KLF13: variants seen among roughly 807,000 people sequenced by gnomAD.
KLF13 encodes KLF transcription factor 13.
Under a neutral mutation model 16.7 loss-of-function variants are expected in KLF13, and 8 were observed. The ratio of observed to expected loss-of-function variants is 0.48; its 90% CI spans 0.28 to 0.87. The LOEUF is 0.87. Ranked by LOEUF, KLF13 falls within the 40% of genes least tolerant of loss-of-function variation. KLF13 has a pLI of 0.10. For synonymous variants in KLF13, 245 were observed against 208.4 expected, an observed-to-expected ratio of 1.18 and a Z score of -1.51; for missense variants, 447 against 452.2, an observed-to-expected ratio of 0.99 and a Z score of 0.10.
intron 1 of KLF13, among the ~76,000 whole-genome samples, chr15:31,366,805 G>A (rs1384123565): frequency 6.6e-6 from 1 of 152,180 alleles, no homozygotes; most frequent in African/African-American, 2.4e-5. Context: ...CATAACAGCA[G>A]TTTTTAGAGT....
chr15:31,356,466 C>T (rs145968513), intron 1 of KLF13, among the ~76,000 whole-genome samples: 75 of 152,322 alleles, frequency 4.9e-4, no homozygotes, highest in African/African-American at 1.8e-3. Context: ...GCAGGAGACT[C>T]GCTTGAACCC....
chr15:31,427,024 G>A (rs886905394), intron 1 of KLF13, among the ~76,000 whole-genome samples: 2 of 152,146 alleles, frequency 1.3e-5, no homozygotes, highest in African/African-American at 2.4e-5. Flanking sequence ...CTTCAGCCTC[G>A]AACTGAGATT....
intron 1 of KLF13, among the ~76,000 whole-genome samples, chr15:31,418,082 G>C (rs891635638): frequency 6.6e-6 from 1 of 152,036 alleles, no homozygotes; most frequent in Non-Finnish European, 1.5e-5. Flanking sequence ...AGACAAAATA[G>C]AGCCTATGAC....
At chr15:31,434,393 T>C (rs528409367) in intron 1 of KLF13, among the ~76,000 whole-genome samples, 83 of 152,166 alleles carry the variant, frequency 5.5e-4, no homozygotes, top group African/African-American at 1.9e-3. Context: ...GCAGGCCTTT[T>C]ATAGAGGACT....
intron 1 of KLF13, among the ~76,000 whole-genome samples, chr15:31,410,020 C>A (rs1028858404): frequency 6.6e-6 from 1 of 151,998 alleles, no homozygotes; most frequent in African/African-American, 2.4e-5. Context: ...CTCTAAAAGA[C>A]AACGGTCTCA....
chr15:31,359,103 C>G (rs1435663899), intron 1 of KLF13, among the ~76,000 whole-genome samples: 1 of 152,182 alleles, frequency 6.6e-6, no homozygotes, highest in East Asian at 1.9e-4. Flanking sequence ...TGGAGAAGGC[C>G]TTCACTTGCA....
At position 31,382,947 on chromosome 15, in the gene KLF13, A is replaced by G. The variant is rs141346529; in HGVS notation, n.224-52423A>G. Among the ~76,000 whole-genome samples, 377 of 152,338 alleles carry G rather than the reference A, an allele frequency of 2.5e-3. 6 individuals are homozygous for G. The highest frequency in any genetic ancestry group is 9.3e-3 in the South Asian group (45 of 4,830). On this transcript the variant is annotated intron_variant and non_coding_transcript_variant, in intron 1 of 1. Transcript: ENST00000558921. ...TGTCCTGACCCCAGCTCCAGGGCTC[A>G]TTCTTGACCCCTGCCCCATCATAAT...
chr15:31,353,774 G>A (rs1457066514), intron 1 of KLF13, among the ~76,000 whole-genome samples: 1 of 152,200 alleles, frequency 6.6e-6, no homozygotes, highest in Non-Finnish European at 1.5e-5. Context: ...CTGTGGCCAA[G>A]CCTGGGGCAG....
At chr15:31,353,362 G>A (rs2039247102) in intron 1 of KLF13, among the ~76,000 whole-genome samples, 1 of 152,172 alleles carries the variant, frequency 6.6e-6, no homozygotes, top group African/African-American at 2.4e-5. Context: ...TGCTCTGGGT[G>A]TTGCCTCCTG....
intron 1 of KLF13, among the ~76,000 whole-genome samples, chr15:31,336,424 G>C (rs1264754728): frequency 6.6e-6 from 1 of 152,140 alleles, no homozygotes; most frequent in African/African-American, 2.4e-5. Context: ...AGATCTAACA[G>C]GTATGCATGG....
intron 1 of KLF13, among the ~76,000 whole-genome samples, chr15:31,386,007 T>C (rs1404016228): frequency 1.3e-5 from 2 of 152,228 alleles, no homozygotes; most frequent in Non-Finnish European, 2.9e-5. Context: ...GAAAGTGAAA[T>C]GGGCTTATTG....
At chr15:31,434,779 C>T (rs1406071899) in intron 1 of KLF13, among the ~76,000 whole-genome samples, 2 of 152,224 alleles carry the variant, frequency 1.3e-5, no homozygotes, top group East Asian at 1.9e-4. Flanking sequence ...GCCTCCCTGC[C>T]CCAGCCACAG....
upstream of KLF13, among the ~76,000 whole-genome samples, chr15:31,390,984 A>G (rs2039856665): frequency 6.9e-6 from 1 of 144,610 alleles, no homozygotes; most frequent in African/African-American, 2.6e-5. Flanking sequence ...TGGCCATGGC[A>G]TTTTGTCCTG....
chr15:31,427,661 T>C (rs917832128), intron 1 of KLF13, among the ~76,000 whole-genome samples: 2 of 152,068 alleles, frequency 1.3e-5, no homozygotes, highest in Non-Finnish European at 2.9e-5. Flanking sequence ...ATACCCAAGA[T>C]TGGGTAATTT....
chr15:31,335,947 C>T (rs2038923282), intron 1 of KLF13, among the ~76,000 whole-genome samples: 1 of 152,236 alleles, frequency 6.6e-6, no homozygotes, highest in African/African-American at 2.4e-5. Flanking sequence ...CCTACCTTGG[C>T]CTCCTGTCTC....
chr15:31,340,719 C>T (rs548929649), intron 1 of KLF13, among the ~76,000 whole-genome samples: 50 of 152,104 alleles, frequency 3.3e-4, no homozygotes, highest in Non-Finnish European at 6.3e-4. Context: ...CATAGTGAGA[C>T]TCCACTGGGC....
Position 31,329,268 on chromosome 15 carries a change from T to C in KLF13, c.577+1479T>C, listed in dbSNP as rs1375735452. Among the ~76,000 whole-genome samples, 10 of 103,368 alleles carry C rather than the reference T, an allele frequency of 9.7e-5. No homozygotes were observed. In the Admixed American group the frequency reaches 1.2e-3, roughly 12 times the overall value. 67.8% of individuals were successfully genotyped at this position (103,368 alleles called of 152,430 possible). ...TCGGGACGCGGCTGCAGGGTGGGTG[T>C]GGCCCTGGGGGAGGGGCCAGGCTAG... On this transcript the variant is annotated intron_variant, in intron 1 of 1. Coordinates refer to ENST00000307145, the MANE Select transcript of KLF13 (RefSeq NM_015995.4).
At chr15:31,386,683 A>G (rs2039800065) in intron 1 of KLF13, among the ~76,000 whole-genome samples, 1 of 152,232 alleles carries the variant, frequency 6.6e-6, no homozygotes, top group African/African-American at 2.4e-5. Flanking sequence ...TATTTGAGGA[A>G]GATCCCATCT....
At chr15:31,384,398 C>T (rs2039769795) in intron 1 of KLF13, among the ~76,000 whole-genome samples, 1 of 152,230 alleles carries the variant, frequency 6.6e-6, no homozygotes, top group Non-Finnish European at 1.5e-5. Flanking sequence ...CACCACTGCA[C>T]TCCAACCTGG....
Sources: gnomAD v4.1 joint callset for allele counts (sites outside exome capture counted in the v4.1 genomes callset) on GRCh38, gnomAD v4.1.1 for gene constraint, MANE v1.5 for transcripts, NCBI Gene and HGNC (gene_info 2026-07-23, HGNC 2026-07-21) for gene names.